The following CADPS2 variants were observed in gnomAD, a reference collection of about 807,000 sequenced individuals.
The protein encoded by CADPS2 is calcium dependent secretion activator 2.
CADPS2 carries 93 observed loss-of-function variants against 172.5 expected under a neutral mutation model. That is an observed-to-expected ratio of 0.54 (90% CI 0.46 to 0.64). The LOEUF (loss-of-function observed/expected upper bound fraction) is 0.64. Ranked by LOEUF, CADPS2 falls within the 30% of genes least tolerant of loss-of-function variation. The probability of loss-of-function intolerance (pLI) is 0.00; values close to 1 mark genes in which losing one functional copy is unlikely to be tolerated. For missense variants in CADPS2, 1,420 were observed against 1,565.9 expected, an observed-to-expected ratio of 0.91 and a Z score of 1.57; for synonymous variants, 546 against 555.2, an observed-to-expected ratio of 0.98 and a Z score of 0.23.
At chr7:122,633,361 G>C (rs1218311649) in intron 3 of CADPS2, among the ~76,000 whole-genome samples, 1 of 151,878 alleles carries the variant, frequency 6.6e-6, no homozygotes, top group African/African-American at 2.4e-5. Context: ...TGTCATCTTT[G>C]TCATTTTCTA....
intron 2 of CADPS2, among the ~76,000 whole-genome samples, chr7:122,726,041 A>C (rs80151186): frequency 0.01 from 1,570 of 151,922 alleles, 24 homozygotes; most frequent in African/African-American, 0.036. Context: ...AAGACAGTAA[A>C]TTTTAACTCA....
chr7:122,871,799 CTGTGACA>C (rs1291841778), intron 1 of CADPS2, among the ~76,000 whole-genome samples: 1 of 152,092 alleles, frequency 6.6e-6, no homozygotes, highest in Non-Finnish European at 1.5e-5. Context: ...TCATTAGTTT[CTGTGACA>C]TGGACCATCC....
intron 2 of CADPS2, among the ~76,000 whole-genome samples, chr7:122,718,049 C>G (rs942721599): frequency 1.6e-5 from 2 of 126,842 alleles, no homozygotes; most frequent in African/African-American, 3.0e-5. Context: ...AGACTGGTCT[C>G]GAACTCCTGG....
rs575125957 is a variant in CADPS2 at position 122,836,251 on chromosome 7, G to T, written c.339+49748C>A. ...TGATAAGAGATTTTGTCACCACCAG[G>T]CCTGCCCTAAAAGAGCTCCTGAAGG... On this transcript the variant is annotated intron_variant, in intron 1 of 29. Transcript: ENST00000449022. 4.6e-5 allele frequency among the ~76,000 whole-genome samples: 7 copies of T among 152,050 alleles called. No individual in the cohort carries two copies. The East Asian group carries it at 1.2e-3, about 25-fold the overall frequency.
chr7:122,853,311 C>T (rs1362066921), intron 1 of CADPS2, among the ~76,000 whole-genome samples: 2 of 152,190 alleles, frequency 1.3e-5, no homozygotes. Flanking sequence ...TCCATTATTC[C>T]AGCCCCCTGT....
chr7:122,723,165 C>T (rs892826665), intron 2 of CADPS2, among the ~76,000 whole-genome samples: 3 of 151,974 alleles, frequency 2.0e-5, no homozygotes, highest in East Asian at 3.9e-4. Flanking sequence ...GCAACAAAAG[C>T]CAAAATTGAC....
intron 1 of CADPS2, among the ~76,000 whole-genome samples, chr7:122,861,478 T>C (rs896350869): frequency 2.0e-5 from 3 of 152,236 alleles, no homozygotes; most frequent in East Asian, 3.8e-4. Flanking sequence ...TTGTTGGAGT[T>C]CCTTGCATAT....
Position 122,592,852 on chromosome 7 carries a change from G to C in CADPS2, c.1224-11562C>G, listed in dbSNP as rs1034036384. ...GGGCCTTCCAGGGGGATGGGGGGAG[G>C]GGGGAGGAATAGCATTAGGAGATAT... On this transcript the variant is annotated intron_variant, in intron 6 of 29. Coordinates refer to ENST00000449022, the MANE Select transcript of CADPS2 (RefSeq NM_017954.11). 2.1e-5 allele frequency among the ~76,000 whole-genome samples: 3 copies of C among 144,924 alleles called. No individual in the cohort carries two copies. The East Asian group carries it at 5.8e-4, about 28-fold the overall frequency.
At chr7:122,381,868 A>T (rs918137316) in intron 24 of CADPS2, among the ~76,000 whole-genome samples, 6 of 152,202 alleles carry the variant, frequency 3.9e-5, no homozygotes, top group African/African-American at 1.4e-4. Context: ...CAAGGGGTAA[A>T]TCCAAATAGT....
intron 3 of CADPS2, among the ~76,000 whole-genome samples, chr7:122,643,059 G>A (rs2077861925): frequency 6.6e-6 from 1 of 152,070 alleles, no homozygotes; most frequent in Non-Finnish European, 1.5e-5. Context: ...TATATTATCT[G>A]TAAATCTAGT....
At chr7:122,622,958 G>C (rs1366287172) in intron 4 of CADPS2, among the ~76,000 whole-genome samples, 1 of 152,152 alleles carries the variant, frequency 6.6e-6, no homozygotes, top group Non-Finnish European at 1.5e-5. Context: ...CCACTTCACA[G>C]ATCAGTCCCA....
At chr7:122,540,874 T>C (rs1191059236) in intron 8 of CADPS2, among the ~76,000 whole-genome samples, 3 of 152,114 alleles carry the variant, frequency 2.0e-5, no homozygotes, top group Non-Finnish European at 4.4e-5. Flanking sequence ...TAAAAACCAA[T>C]TGATTTTATA....
intron 8 of CADPS2, among the ~76,000 whole-genome samples, chr7:122,518,491 C>T (rs2060539719): frequency 6.6e-6 from 1 of 152,050 alleles, no homozygotes; most frequent in Admixed American, 6.6e-5. Context: ...TGGCATTTTA[C>T]TGCTTCATAA....
intron 11 of CADPS2, among the ~76,000 whole-genome samples, chr7:122,483,427 A>G (rs1221503587): frequency 6.6e-6 from 1 of 152,114 alleles, no homozygotes. Context: ...TAAAGAAGCT[A>G]AAAGTATTCA....
At chr7:122,743,390 T>TTA (rs1479896222) in intron 1 of CADPS2, among the ~76,000 whole-genome samples, 4 of 152,154 alleles carry the variant, frequency 2.6e-5, no homozygotes, top group Non-Finnish European at 5.9e-5. Flanking sequence ...AAGCCAGGAT[T>TTA]TATACTACTG....
At chr7:122,407,435 C>G in intron 20 of CADPS2, 105 bp downstream of exon 20, 1 of 1,231,344 alleles carries the variant, frequency 8.1e-7, no homozygotes, top group African/African-American at 1.5e-5. Flanking sequence ...GTTACCCATG[C>G]GAACTCTTGT....
intron 1 of CADPS2, among the ~76,000 whole-genome samples, chr7:122,817,702 C>A (rs1017818746): frequency 1.3e-5 from 2 of 151,882 alleles, no homozygotes; most frequent in African/African-American, 4.8e-5. Flanking sequence ...TGCTTTTCTG[C>A]GGGAGGGGCA....
intron 1 of CADPS2, among the ~76,000 whole-genome samples, chr7:122,774,617 C>T (rs1418972317): frequency 6.6e-6 from 1 of 152,102 alleles, no homozygotes; most frequent in Non-Finnish European, 1.5e-5. Context: ...CTTATCAATT[C>T]TGCAGTCTAA....
chr7:122,438,654 C>A lies in CADPS2; in HGVS notation c.2353-190G>T, dbSNP rs189870066. 2.8e-4 allele frequency among the ~76,000 whole-genome samples: 42 copies of A among 152,180 alleles called. No homozygotes were observed. In the East Asian group the frequency reaches 7.5e-3, roughly 27 times the overall value. ...AATGGGTCTGCAATGCACTTCCCAACTGAGAATGTAATCCTCCCACCTTAG... is the reference window on the plus strand; with the variant it reads ...AATGGGTCTGCAATGCACTTCCCAAATGAGAATGTAATCCTCCCACCTTAG... On this transcript the variant is annotated intron_variant, in intron 16 of 29. Coordinates refer to ENST00000449022, the MANE Select transcript of CADPS2 (RefSeq NM_017954.11).
Sources: gnomAD v4.1 joint callset for allele counts (sites outside exome capture counted in the v4.1 genomes callset) on GRCh38, gnomAD v4.1.1 for gene constraint, MANE v1.5 for transcripts, NCBI Gene and HGNC (gene_info 2026-07-23, HGNC 2026-07-21) for gene names.